FAT2: variants seen among roughly 807,000 people sequenced by gnomAD.
FAT2 encodes FAT atypical cadherin 2.
Under a neutral mutation model 295.3 loss-of-function variants are expected in FAT2, and 150 were observed. The ratio of observed to expected loss-of-function variants is 0.51; its 90% CI spans 0.44 to 0.58. FAT2 has a LOEUF of 0.58. Ranked by LOEUF, FAT2 falls within the 20% of genes least tolerant of loss-of-function variation. The pLI, the probability that FAT2 is intolerant of heterozygous loss-of-function variation, is 0.00. For synonymous variants in FAT2, 2,026 were observed against 2,150.3 expected, an observed-to-expected ratio of 0.94 and a Z score of 1.60; for missense variants, 4,868 against 5,442.7, an observed-to-expected ratio of 0.89 and a Z score of 3.32.
At position 151,505,478 on chromosome 5, in the gene FAT2, A is replaced by T; in HGVS notation, c.*87T>A. ...GGGCTTCCCTCCCACTCTCCCAGCC[A>T]CACTCAACTCACCCCCTACGAGACA... On this transcript the variant is annotated 3_prime_UTR_variant, in exon 24 of 24. Coordinates refer to ENST00000261800, the MANE Select transcript of FAT2 (RefSeq NM_001447.3). 1 of 1,524,610 alleles carries T rather than the reference A, an allele frequency of 6.6e-7. No homozygotes were observed. The allele number at this position is 1,524,610 out of a possible 1,614,324, so 94.4% of individuals were successfully genotyped here. A position where few individuals can be genotyped will look rare whatever the true frequency, so the allele number is the denominator to read the frequency against.
chr5:151,537,274 TGGTGGA>T (rs1356037544), intron 12 of FAT2, among the ~76,000 whole-genome samples: 3 of 134,408 alleles, frequency 2.2e-5, no homozygotes, highest in South Asian at 2.5e-4. Context: ...ACGATGGTGG[TGGTGGA>T]GGAGGAGGAG....
At chr5:151,537,089 G>T (rs77802236) in intron 12 of FAT2, among the ~76,000 whole-genome samples, 1 of 151,976 alleles carries the variant, frequency 6.6e-6, no homozygotes, top group East Asian at 1.9e-4. Context: ...AAGATCCTCC[G>T]TAGCCAAAGT....
chr5:151,505,799 C>G lies in FAT2; in HGVS notation c.12816G>C (p.Thr4272=), dbSNP rs372063434. 2 of 1,613,826 alleles carry G rather than the reference C, an allele frequency of 1.2e-6. No individual in the cohort carries two copies. Among genetic ancestry groups the G allele is most frequent in the African/African-American group, 2.7e-5 (2 of 74,920 alleles). ...RLVAPCLNEY[T]AISYYHSQFR... ...ACTGCGAGTGGTAGTAGCTGATGGCCGTGTACTCATTGAGACAGGGGGCAA... is the reference window on the plus strand; with the variant it reads ...ACTGCGAGTGGTAGTAGCTGATGGCGGTGTACTCATTGAGACAGGGGGCAA... The change falls in exon 24 of 24, where the codon ACG becomes ACC. Residue 4272 remains threonine, a synonymous_variant. Transcript: ENST00000261800.
At chr5:151,525,011 C>G (rs1753842881) in intron 18 of FAT2, among the ~76,000 whole-genome samples, 1 of 152,234 alleles carries the variant, frequency 6.6e-6, no homozygotes, top group Admixed American at 6.5e-5. Flanking sequence ...CAATGGAAAG[C>G]CCCTGGAGAC....
chr5:151,531,603 G>A lies in FAT2; in HGVS notation c.9795C>T (p.Arg3265=), dbSNP rs2127591037. The A allele has an allele frequency of 6.2e-7, 1 of 1,612,708 alleles. No individual in the cohort carries two copies. Among genetic ancestry groups the A allele is most frequent in the Non-Finnish European group, 8.5e-7 (1 of 1,179,948 alleles). ...GGCTCTCACCTGTGCGAGCATCCAG[G>A]CGGAACCTGCCTTGCTCGTTCCCGC... ...VVSGNEQGRF[R]LDARTGILYV... The change falls in exon 14 of 24, where the codon CGC becomes CGT. Residue 3265 remains arginine (R), a synonymous_variant. Coordinates refer to ENST00000261800, the MANE Select transcript of FAT2 (RefSeq NM_001447.3). This position sits in a 1 kb window ranked among gnomAD's most constrained non-coding sequence, Gnocchi z 5.7.
In FAT2 at chr5:151,567,198, T is replaced by C; in HGVS notation, c.1734A>G (p.Pro578=). The C allele has an allele frequency of 6.2e-7, 1 of 1,614,204 alleles. No individual in the cohort carries two copies. The highest frequency in any genetic ancestry group is 8.5e-7 in the Non-Finnish European group (1 of 1,180,030). ...NCTGSIRQDW[P]VGKSIMTMSA... ...ACATAGTCATTATCGATTTCCCTACTGGCCAGTCTTGGCGGATAGACCCTG... is the reference window on the plus strand; with the variant it reads ...ACATAGTCATTATCGATTTCCCTACCGGCCAGTCTTGGCGGATAGACCCTG... Residue 578 remains proline (P), a synonymous_variant, in exon 2 of 24, where the codon CCA becomes CCG. Transcript: ENST00000261800.
At chr5:151,559,657 GTGTC>G (rs1272321938) in intron 3 of FAT2, among the ~76,000 whole-genome samples, 1 of 151,652 alleles carries the variant, frequency 6.6e-6, no homozygotes, top group African/African-American at 2.4e-5. Flanking sequence ...CTGTGTGTGT[GTGTC>G]TGTCTCTCTC....
At position 151,507,567 on chromosome 5, in the gene FAT2, A is replaced by T; in HGVS notation, c.12104T>A (p.Val4035Asp). ...ARGCSEGHCL[V>D]TPEIQRGDWG... ...GTCCCCCCTTTGGATCTCGGGAGTG[A>T]CTAGGCAGTGTCCTTCTGAACAACC... Residue 4035 changes from valine (V) to aspartate (D), a missense_variant, in exon 23 of 24, where the codon GTC becomes GAC. Transcript: ENST00000261800. 1 of 1,613,802 alleles carries T rather than the reference A, an allele frequency of 6.2e-7. No homozygotes were observed. The highest frequency in any genetic ancestry group is 8.5e-7 in the Non-Finnish European group (1 of 1,179,962).
rs759884020 is a variant in FAT2, at chr5:151,521,975, C to T, written c.10618G>A (p.Val3540Ile). The change falls in exon 19 of 24, where the codon GTT becomes ATT. Residue 3540 changes from valine to isoleucine, a missense_variant. Coordinates refer to ENST00000261800, the MANE Select transcript of FAT2 (RefSeq NM_001447.3). ...SALPLEIFIT[V>I]GEDEFQGGMV... is the part of the protein sequence containing the mutation. Reference sequence around the variant, plus strand: ...CCACCCTGGAACTCATCCTCTCCAACAGTGATGAAGATCTCCAGTGGGAGA... The same window carrying T: ...CCACCCTGGAACTCATCCTCTCCAATAGTGATGAAGATCTCCAGTGGGAGA... The T allele has an allele frequency of 3.1e-6, 5 of 1,614,108 alleles. No individual in the cohort carries two copies. The highest frequency in any genetic ancestry group is 4.2e-6 in the Non-Finnish European group (5 of 1,180,036).
rs573511043 is a variant in FAT2, at chr5:151,551,483, C to G, written c.4280G>C (p.Arg1427Pro). Reference protein sequence around the residue: ...NLTVEVTDGSRTIATQVHIFM... With the variant: ...NLTVEVTDGSPTIATQVHIFM... ...GCCTCTAACCTGTGTGGCAATGGTG[C>G]GGGACCCATCTGTCACCTCAACAGT... Residue 1427 changes from arginine to proline, a missense_variant, in exon 7 of 24, where the codon CGC (arginine) becomes CCC (proline). Physicochemically the swap from Arg to Pro is moderately radical, Grantham distance 103 (BLOSUM62 -2). Coordinates refer to ENST00000261800, the MANE Select transcript of FAT2 (RefSeq NM_001447.3). 1 of 1,614,098 alleles carries G rather than the reference C, an allele frequency of 6.2e-7. No homozygotes were observed. Among genetic ancestry groups the G allele is most frequent in the Non-Finnish European group, 8.5e-7 (1 of 1,180,008 alleles).
At position 151,544,833 on chromosome 5, in the gene FAT2, G is replaced by A; in HGVS notation, c.6294C>T (p.Asp2098=). 1.2e-6 allele frequency: 2 copies of A among 1,614,184 alleles called. No homozygotes were observed. The highest frequency in any genetic ancestry group is 1.7e-6 in the Non-Finnish European group (2 of 1,180,030). Reference sequence around the variant, plus strand: ...ATGTAACAGCCCCATTTGTCCCCAAGTCCTCATCAGTGGCAGATACCTGAA... The same window carrying A: ...ATGTAACAGCCCCATTTGTCCCCAAATCCTCATCAGTGGCAGATACCTGAA... The part of the protein sequence containing the change: ...VLFQVSATDE[D]LGTNGAVTYE... The change falls in exon 10 of 24, where the codon GAC becomes GAT. Residue 2098 remains aspartate, a synonymous_variant. Transcript: ENST00000261800.
chr5:151,556,315 C>T (rs1456797139), intron 4 of FAT2, 29 bp downstream of exon 4: 2 of 1,603,780 alleles, frequency 1.2e-6, no homozygotes, highest in Non-Finnish European at 1.7e-6. Context: ...CCACAAATCA[C>T]CACAAATGGA....
At chr5:151,561,447 G>A (rs1019342561) in intron 3 of FAT2, among the ~76,000 whole-genome samples, 3 of 152,104 alleles carry the variant, frequency 2.0e-5, no homozygotes, top group Non-Finnish European at 4.4e-5. Context: ...CTGGAGACCA[G>A]TGATGCGATC....
Position 151,537,821 on chromosome 5 carries a change from C to T in FAT2, c.9165G>A (p.Ala3055=), listed in dbSNP as rs770642253. The T allele has an allele frequency of 3.2e-5, 51 of 1,608,510 alleles. No individual in the cohort carries two copies. The highest frequency in any genetic ancestry group is 1.6e-4 in the East Asian group (7 of 44,854). ...TATGAGGATCCAGCTTGAATTCATG[C>T]GCCCCAGGGCCATGCAGAGAATATG... ...QITYSLHGPG[A]HEFKLDPHTG... Residue 3055 remains alanine (A), a synonymous_variant, in exon 12 of 24, where the codon GCG becomes GCA. Coordinates refer to ENST00000261800, the MANE Select transcript of FAT2 (RefSeq NM_001447.3).
chr5:151,584,956 GC>G (rs1206557067), intron 1 of FAT2, among the ~76,000 whole-genome samples: 6 of 152,160 alleles, frequency 3.9e-5, no homozygotes, highest in African/African-American at 1.4e-4. Flanking sequence ...TTAGGATGGG[GC>G]TAAGTAATTT....
At chr5:151,517,302 G>T (rs184053021) in intron 20 of FAT2, among the ~76,000 whole-genome samples, 5 of 152,264 alleles carry the variant, frequency 3.3e-5, no homozygotes, top group Admixed American at 1.3e-4. Context: ...CCCATCCCTG[G>T]GAAACACTGG....
Position 151,522,069 on chromosome 5 carries a change from G to T in FAT2, c.10524C>A (p.Ile3508=), listed in dbSNP as rs3734049. The change falls in exon 19 of 24, where the codon ATC becomes ATA. Residue 3508 remains isoleucine (I), a synonymous_variant. Coordinates refer to ENST00000261800, the MANE Select transcript of FAT2 (RefSeq NM_001447.3). ...CAGACGTCAAAGACGAGAGGGGAGG[G>T]ATGCCACTGTCTGACGCCTGTGGGC... ...QLQIQASDSG[I]PPLSSLTSVR... The T allele has an allele frequency of 0.18, 287,547 of 1,586,952 alleles. 28,538 individuals carry two copies. Among genetic ancestry groups the T allele is most frequent in the Non-Finnish European group, 0.2 (233,457 of 1,158,292 alleles).
In FAT2 at chr5:151,568,711, A is replaced by G. The variant is rs1323792300; in HGVS notation, c.221T>C (p.Ile74Thr). The G allele has an allele frequency of 1.2e-6, 2 of 1,614,136 alleles. No homozygotes were observed. Among genetic ancestry groups the G allele is most frequent in the Non-Finnish European group, 1.7e-6 (2 of 1,180,008 alleles). Residue 74 changes from isoleucine (I) to threonine (T), a missense_variant, in exon 2 of 24, where the codon ATC becomes ACC. Coordinates refer to ENST00000261800, the MANE Select transcript of FAT2 (RefSeq NM_001447.3). ...AAATACATTGGCCACATCCCCAGAG[A>G]TGATCCGGTACCTCACTGCCCACTG... ...EPQWAVRYRI[I>T]SGDVANVFKT...
intron 3 of FAT2, among the ~76,000 whole-genome samples, chr5:151,557,170 G>T (rs1270941533): frequency 6.6e-6 from 1 of 152,092 alleles, no homozygotes; most frequent in African/African-American, 2.4e-5. Flanking sequence ...TTGGTTCCTC[G>T]TCACTAAAAT....
Sources: allele counts gnomAD v4.1 joint callset (sites outside exome capture counted in the v4.1 genomes callset), GRCh38; gene constraint gnomAD v4.1.1; non-coding constraint Gnocchi (gnomAD v3.1); transcripts MANE v1.5; gene names NCBI Gene and HGNC (gene_info 2026-07-23, HGNC 2026-07-21).